Variants in MCTP2 observed in about 807,000 individuals in gnomAD.
The protein encoded by MCTP2 is multiple C2 and transmembrane domain containing 2, also known as multiple C2 and transmembrane domain-containing protein 2.
A neutral mutation model predicts 111.6 loss-of-function variants in MCTP2; 132 were observed. That is an observed-to-expected ratio of 1.18 (90% CI 1.03 to 1.37). The LOEUF is 1.37. Among genes scored for constraint, MCTP2 ranks in the 40% most tolerant of loss-of-function variants. The pLI is 0.00. For missense variants in MCTP2, 1,183 were observed against 1,067.9 expected, an observed-to-expected ratio of 1.11 and a Z score of -1.50; for synonymous variants, 395 against 387.7, an observed-to-expected ratio of 1.02 and a Z score of -0.22.
At chr15:94,434,926 C>T (rs985263160) in intron 17 of MCTP2, among the ~76,000 whole-genome samples, 32 of 149,950 alleles carry the variant, frequency 2.1e-4, no homozygotes, top group Admixed American at 1.4e-3. Flanking sequence ...TGAAGTGGCG[C>T]GATCTTAGCT....
At chr15:94,277,123 G>A (rs1187451940) in intron 1 of MCTP2, among the ~76,000 whole-genome samples, 1 of 151,996 alleles carries the variant, frequency 6.6e-6, no homozygotes, top group Non-Finnish European at 1.5e-5. Flanking sequence ...ACATATAAAA[G>A]TCAATTGCTT....
At chr15:94,244,093 TACAC>T (rs1159800861) in intron 1 of MCTP2, among the ~76,000 whole-genome samples, 12 of 55,030 alleles carry the variant, frequency 2.2e-4, no homozygotes, top group African/African-American at 6.4e-4. Flanking sequence ...CACATATGTA[TACAC>T]ATACATATGT....
intron 1 of MCTP2, among the ~76,000 whole-genome samples, chr15:94,242,249 G>A (rs78466147): frequency 0.01 from 1,550 of 152,248 alleles, 23 homozygotes; most frequent in African/African-American, 0.034. Flanking sequence ...GCTGTGGGAC[G>A]TTGACATCTC....
intron 17 of MCTP2, chr15:94,402,883 T>C (rs1267905141): frequency 8.9e-7 from 1 of 1,118,556 alleles, no homozygotes; most frequent in Non-Finnish European, 1.1e-6. Flanking sequence ...TCATGATCAT[T>C]GGTGAATCTG....
chr15:94,290,779 G>T (rs564066349), intron 1 of MCTP2, among the ~76,000 whole-genome samples: 1 of 152,324 alleles, frequency 6.6e-6, no homozygotes, highest in South Asian at 2.1e-4. Context: ...AAACAAGATA[G>T]GCTTCAGAGC....
chr15:94,413,569 A>AGTGT (rs34860214), intron 17 of MCTP2, among the ~76,000 whole-genome samples: 54,164 of 149,116 alleles, frequency 0.36, 9,908 homozygotes, highest in East Asian at 0.44. Context: ...CATGACGCTG[A>AGTGT]GTGTGTGTGT....
chr15:94,356,001 G>GA, intron 8 of MCTP2, 136 bp from the exon 9 acceptor site: 8 of 1,345,948 alleles, frequency 5.9e-6, no homozygotes, highest in Middle Eastern at 2.1e-4. Flanking sequence ...CAAAACCAAT[G>GA]AAAAAAACAG....
Position 94,356,726 on chromosome 15 carries a change from G to A in MCTP2, c.1170+425G>A, listed in dbSNP as rs142308250. On this transcript the variant is annotated intron_variant, in intron 9 of 22. Transcript: ENST00000357742. ...CTTTCTCTTGCTTGCTAGTCTTCACGCCAAAAATAGTATCTAGTGCTGCTG... is the reference window on the plus strand; with the variant it reads ...CTTTCTCTTGCTTGCTAGTCTTCACACCAAAAATAGTATCTAGTGCTGCTG... Among the ~76,000 whole-genome samples, 7 of 152,126 alleles carry A rather than the reference G, an allele frequency of 4.6e-5. No homozygotes were observed. In the East Asian group the frequency reaches 7.7e-4, roughly 17 times the overall value.
At chr15:94,437,922 A>C (rs1174154107) in intron 17 of MCTP2, among the ~76,000 whole-genome samples, 2 of 151,974 alleles carry the variant, frequency 1.3e-5, no homozygotes, top group Non-Finnish European at 2.9e-5. Flanking sequence ...GTAAGGAAAA[A>C]GTTCACATTG....
At chr15:94,454,094 G>GAAAA (rs1359812586) in intron 19 of MCTP2, among the ~76,000 whole-genome samples, 1 of 152,036 alleles carries the variant, frequency 6.6e-6, no homozygotes, top group African/African-American at 2.4e-5. Flanking sequence ...AGAACTTTGT[G>GAAAA]AAATTATTTT....
In MCTP2 at chr15:94,356,053, T is replaced by C. The variant is rs946606621; in HGVS notation, c.1006-84T>C. The stretch of plus-strand genomic sequence containing the variant: ...AGGAATTTTTTTTATAATTAAATAC[T>C]GAAAGTTGGAATTCCTATGATCATC... On this transcript the variant is annotated intron_variant, in intron 8 of 22. Coordinates refer to ENST00000357742, the MANE Select transcript of MCTP2 (RefSeq NM_001385001.1). 100 of 1,405,746 alleles carry C rather than the reference T, an allele frequency of 7.1e-5. 1 individual carries two copies. The highest frequency in any genetic ancestry group is 8.4e-5 in the Non-Finnish European group (90 of 1,075,560). 87.1% of individuals were successfully genotyped at this position (1,405,746 alleles called of 1,614,324 possible).
At chr15:94,323,510 G>T (rs1301556962) in intron 4 of MCTP2, among the ~76,000 whole-genome samples, 1 of 152,202 alleles carries the variant, frequency 6.6e-6, no homozygotes, top group East Asian at 1.9e-4. Flanking sequence ...TTCCTTGCAG[G>T]TGGTTTTCCA....
chr15:94,261,190 T>C (rs1481087641), intron 1 of MCTP2, among the ~76,000 whole-genome samples: 2 of 152,198 alleles, frequency 1.3e-5, no homozygotes, highest in Non-Finnish European at 1.5e-5. Flanking sequence ...GATTGATGTG[T>C]CTCATGTCTC....
At chr15:94,237,582 A>G (rs1463022220) in intron 1 of MCTP2, among the ~76,000 whole-genome samples, 1 of 152,122 alleles carries the variant, frequency 6.6e-6, no homozygotes, top group Non-Finnish European at 1.5e-5. Flanking sequence ...CTGGCATAAC[A>G]TTACCTGACA....
intron 19 of MCTP2, among the ~76,000 whole-genome samples, chr15:94,447,475 A>G (rs113702617): frequency 1.1e-4 from 16 of 152,224 alleles, no homozygotes; most frequent in Admixed American, 5.2e-4. Flanking sequence ...GCTCAGTGCA[A>G]TCTCTGCCTC....
At chr15:94,319,402 T>C (rs891145244) in intron 4 of MCTP2, among the ~76,000 whole-genome samples, 2 of 152,194 alleles carry the variant, frequency 1.3e-5, no homozygotes, top group African/African-American at 2.4e-5. Flanking sequence ...TTTGGACCAA[T>C]AGTTCTCAAA....
In MCTP2 at chr15:94,314,284, G is replaced by T. The variant is rs1407326639; in HGVS notation, c.468G>T (p.Lys156Asn). 13 of 1,605,446 alleles carry T rather than the reference G, an allele frequency of 8.1e-6. No homozygotes were observed. Among genetic ancestry groups the T allele is most frequent in the Non-Finnish European group, 1.0e-5 (12 of 1,175,764 alleles). ...LGGDAPEEPE[K>N]LCGSSDLNAS... ...TTTTTTTTTCTTTTTCTTTGCAGAA[G>T]CTATGTGGAAGCAGTGACCTGAATG... The change falls in exon 3 of 23, where the codon AAG (lysine) becomes AAT (asparagine). Residue 156 changes from lysine (K) to asparagine (N), a missense_variant and splice_region_variant. Physicochemically the swap from Lys to Asn is moderately conservative, Grantham distance 94. Transcript: ENST00000357742.
chr15:94,314,117 C>T (rs1240757699), intron 2 of MCTP2, among the ~76,000 whole-genome samples, 165 bp from the exon 3 acceptor site: 1 of 152,224 alleles, frequency 6.6e-6, no homozygotes, highest in African/African-American at 2.4e-5. Flanking sequence ...AGGATGACAC[C>T]TCTGCATCCA....
chr15:94,429,249 A>G (rs1361912103), intron 17 of MCTP2, among the ~76,000 whole-genome samples: 3 of 152,242 alleles, frequency 2.0e-5, no homozygotes, highest in Non-Finnish European at 2.9e-5. Context: ...CACTGATTCA[A>G]AGGTAGTGCT....
Sources: allele counts gnomAD v4.1 joint callset (sites outside exome capture counted in the v4.1 genomes callset), GRCh38; gene constraint gnomAD v4.1.1; transcripts MANE v1.5; gene names NCBI Gene and HGNC (gene_info 2026-07-23, HGNC 2026-07-21).